Variants in NAALADL2 observed in about 807,000 individuals in gnomAD.
The protein encoded by NAALADL2 is inactive N-acetylated-alpha-linked acidic dipeptidase-like protein 2.
In NAALADL2, 76 loss-of-function variants were observed where a neutral mutation model predicts 87.2. That is an observed-to-expected ratio of 0.87 (90% CI 0.72 to 1.05). The LOEUF (loss-of-function observed/expected upper bound fraction) is 1.05. NAALADL2 is among the 50% of genes least tolerant of loss of function. NAALADL2 has a pLI of 0.00. For synonymous variants in NAALADL2, 354 were observed against 331.0 expected (o/e 1.07, Z -0.75); for missense variants, 1,089 against 945.8 (o/e 1.15, Z -1.99).
chr3:175,381,673 A>C (rs1436358432), intron 5 of NAALADL2, among the ~76,000 whole-genome samples: 1 of 152,202 alleles, frequency 6.6e-6, no homozygotes. Flanking sequence ...AGAACTCACA[A>C]AAAAATTAAT....
chr3:175,764,534 C>T (rs960114826), intron 13 of NAALADL2, among the ~76,000 whole-genome samples: 1 of 98,702 alleles, frequency 1.0e-5, no homozygotes, highest in African/African-American at 4.7e-5. Flanking sequence ...CTAATCCAAG[C>T]CAAGACCATT....
chr3:175,130,850 G>A (rs1727723658), intron 2 of NAALADL2, among the ~76,000 whole-genome samples: 1 of 152,086 alleles, frequency 6.6e-6, no homozygotes, highest in Admixed American at 6.5e-5. Flanking sequence ...AAAACCTCCA[G>A]CACTGTTCTG....
intron 4 of NAALADL2, among the ~76,000 whole-genome samples, chr3:175,276,299 T>A (rs1447412877): frequency 7.0e-6 from 1 of 143,298 alleles, no homozygotes; most frequent in African/African-American, 2.6e-5. Flanking sequence ...CTTTGCAAAT[T>A]TTTTTTTTTT....
intron 9 of NAALADL2, among the ~76,000 whole-genome samples, chr3:175,573,653 T>C (rs1202086502): frequency 6.6e-6 from 1 of 152,244 alleles, no homozygotes; most frequent in Non-Finnish European, 1.5e-5. Flanking sequence ...TTTCATGTTC[T>C]AGTGCTTAAG....
At chr3:174,564,603 C>G (rs1401509699) in intron 2 of NAALADL2, among the ~76,000 whole-genome samples, 1 of 152,044 alleles carries the variant, frequency 6.6e-6, no homozygotes, top group African/African-American at 2.4e-5. Flanking sequence ...GTGTGTCAGT[C>G]TCTTTTAATG....
intron 3 of NAALADL2, among the ~76,000 whole-genome samples, chr3:174,739,196 A>T (rs1237612811): frequency 1.3e-5 from 2 of 150,958 alleles, no homozygotes; most frequent in African/African-American, 2.4e-5. Context: ...CTTTTTTTTC[A>T]CATTTTACTG....
chr3:175,558,206 A>C (rs1414068302), intron 9 of NAALADL2, among the ~76,000 whole-genome samples: 1 of 113,702 alleles, frequency 8.8e-6, no homozygotes, highest in Admixed American at 8.7e-5. Flanking sequence ...AAAAAAAAAA[A>C]AAAAAAAAAA....
At chr3:174,454,334 G>A (rs571280721) in intron 1 of NAALADL2, among the ~76,000 whole-genome samples, 40 of 152,146 alleles carry the variant, frequency 2.6e-4, no homozygotes, top group Non-Finnish European at 3.5e-4. Flanking sequence ...ATAGATCATC[G>A]AGGGAGAAAA....
At chr3:175,467,245 A>T in intron 8 of NAALADL2, 61 bp downstream of exon 8, 1 of 1,446,788 alleles carries the variant, frequency 6.9e-7, no homozygotes, top group South Asian at 1.2e-5. Flanking sequence ...AAAGTAGACA[A>T]AGTAAAATTT....
At chr3:175,790,247 C>G (rs769063901) in intron 13 of NAALADL2, among the ~76,000 whole-genome samples, 9 of 152,088 alleles carry the variant, frequency 5.9e-5, no homozygotes, top group Non-Finnish European at 1.3e-4. Context: ...GAACAGGAGT[C>G]TGAGTAATGA....
chr3:174,443,784 G>C (rs1044534135), intron 1 of NAALADL2, among the ~76,000 whole-genome samples: 1 of 144,754 alleles, frequency 6.9e-6, no homozygotes, highest in African/African-American at 2.4e-5. Flanking sequence ...CCATGTAAAA[G>C]GGAAAGCAGG....
intron 1 of NAALADL2, among the ~76,000 whole-genome samples, chr3:174,910,548 G>T (rs889734563): frequency 1.3e-5 from 2 of 151,988 alleles, no homozygotes; most frequent in South Asian, 2.1e-4. Flanking sequence ...AATTTATTTG[G>T]TTTTAAAATA....
At chr3:175,109,137 TTGTC>T (rs1437324280) in intron 2 of NAALADL2, among the ~76,000 whole-genome samples, 1 of 151,852 alleles carries the variant, frequency 6.6e-6, no homozygotes, top group African/African-American at 2.4e-5. Flanking sequence ...CATAAGCAAA[TTGTC>T]TATGTAGAAC....
At position 174,889,540 on chromosome 3, in the gene NAALADL2, T is replaced by G. The variant is rs145151379; in HGVS notation, c.43+30090T>G. Among the ~76,000 whole-genome samples, 191 of 152,006 alleles carry G rather than the reference T, an allele frequency of 1.3e-3. 1 individual carries two copies. Among genetic ancestry groups the G allele is most frequent in the African/African-American group, 4.1e-3 (172 of 41,456 alleles). On this transcript the variant is annotated intron_variant, in intron 1 of 13. Transcript: ENST00000454872. ...GTGCCCTTATATCTCTCATTCCCCA[T>G]CCTCACTTCTCTGCTTCCAGTGAAG...
At chr3:175,493,467 A>G (rs1176203215) in intron 9 of NAALADL2, among the ~76,000 whole-genome samples, 1 of 152,146 alleles carries the variant, frequency 6.6e-6, no homozygotes, top group African/African-American at 2.4e-5. Flanking sequence ...TTAACTATTT[A>G]CTGCTCAAGT....
At chr3:175,077,427 G>A (rs772380276) in intron 1 of NAALADL2, among the ~76,000 whole-genome samples, 12 of 152,108 alleles carry the variant, frequency 7.9e-5, no homozygotes, top group African/African-American at 1.7e-4. Context: ...TATTTTTTCC[G>A]TGTATGCTAG....
At chr3:175,278,127 AT>A (rs1357367838) in intron 4 of NAALADL2, among the ~76,000 whole-genome samples, 3 of 152,144 alleles carry the variant, frequency 2.0e-5, no homozygotes, top group Admixed American at 6.5e-5. Flanking sequence ...CTCCGTCTCA[AT>A]AATAATAATA....
At chr3:174,986,707 C>T (rs564698433) in intron 1 of NAALADL2, among the ~76,000 whole-genome samples, 4 of 152,188 alleles carry the variant, frequency 2.6e-5, no homozygotes, top group African/African-American at 7.2e-5. Context: ...CTGTGCTTCT[C>T]TTAAGTGTTT....
At chr3:175,330,550 A>G (rs953198778) in intron 5 of NAALADL2, among the ~76,000 whole-genome samples, 1 of 152,214 alleles carries the variant, frequency 6.6e-6, no homozygotes, top group African/African-American at 2.4e-5. Flanking sequence ...ATACATGGAA[A>G]TGAACAACAT....
Sources: gnomAD v4.1 joint callset for allele counts (sites outside exome capture counted in the v4.1 genomes callset) on GRCh38, gnomAD v4.1.1 for gene constraint, MANE v1.5 for transcripts, NCBI Gene and HGNC (gene_info 2026-07-23, HGNC 2026-07-21) for gene names.